Variants in RNASET2 observed in about 807,000 individuals in gnomAD.
RNASET2 encodes the protein ribonuclease T2.
A neutral mutation model predicts 33.9 loss-of-function variants in RNASET2; 28 were observed. That is an observed-to-expected ratio of 0.83 (90% confidence interval 0.61 to 1.13). The LOEUF (loss-of-function observed/expected upper bound fraction) is 1.13. Among genes scored for constraint, RNASET2 ranks in the 50% most tolerant of loss-of-function variants. RNASET2 has a pLI of 0.00. For missense variants in RNASET2, 330 were observed against 319.9 expected, an observed-to-expected ratio of 1.03 and a Z score of -0.24; for synonymous variants, 123 against 121.0, an observed-to-expected ratio of 1.02 and a Z score of -0.11.
chr6:166,927,164 T>C lies in RNASET2; in HGVS notation c.*2424A>G, dbSNP rs1778320157. Among the ~76,000 whole-genome samples the C allele has an allele frequency of 6.6e-6, 1 of 151,974 alleles. No individual in the cohort carries two copies. ...CTACTTGTTTAATGATGTAAAAACATGTGCTTGGATCTGATCTCCATCACT... is the reference window on the plus strand; with the variant it reads ...CTACTTGTTTAATGATGTAAAAACACGTGCTTGGATCTGATCTCCATCACT... On this transcript the variant is annotated 3_prime_UTR_variant, in exon 9 of 9. Coordinates refer to ENST00000508775, the MANE Select transcript of RNASET2 (RefSeq NM_003730.6).
At chr6:166,931,006 C>A (rs1440062804) in intron 8 of RNASET2, 38 bp downstream of exon 8, 15 of 1,451,924 alleles carry the variant, frequency 1.0e-5, no homozygotes, top group Admixed American at 1.7e-5. Flanking sequence ...AACCTGTCTT[C>A]TTGAGAAAAA....
In RNASET2 at chr6:166,925,029, T is replaced by C. The variant is rs959249461; in HGVS notation, c.*4559A>G. Among the ~76,000 whole-genome samples, 2 of 147,364 alleles carry C rather than the reference T, an allele frequency of 1.4e-5. No individual in the cohort carries two copies. Among genetic ancestry groups the C allele is most frequent in the Non-Finnish European group, 3.0e-5 (2 of 66,892 alleles). On this transcript the variant is annotated 3_prime_UTR_variant, in exon 9 of 9. Coordinates refer to ENST00000508775, the MANE Select transcript of RNASET2 (RefSeq NM_003730.6). The stretch of plus-strand genomic sequence containing the variant: ...TACGCCATCCAGCCCTCACCCACAG[T>C]GTCCAGACCTCACTTCTCCCACCCA...
In RNASET2 at chr6:166,955,426, C is replaced by A. The variant is rs991020769; in HGVS notation, c.86+671G>T. ...ACACACACGCGCACACACACACACA[C>A]GCGGAGGGCGAGCCAAGGGAAGGGA... is the stretch of plus-strand genomic sequence containing the variant. On this transcript the variant is annotated intron_variant, in intron 1 of 8. Transcript: ENST00000508775. 15 of 876,660 alleles carry A rather than the reference C, an allele frequency of 1.7e-5. No individual in the cohort carries two copies. In the African/African-American group the frequency reaches 3.0e-4, roughly 17 times the overall value. The allele number at this position is 876,660 out of a possible 1,614,324, so 54.3% of individuals were successfully genotyped here.
chr6:166,923,610 C>T lies in RNASET2; in HGVS notation c.*5978G>A, dbSNP rs1778265020. Among the ~76,000 whole-genome samples the T allele has an allele frequency of 6.6e-6, 1 of 151,236 alleles. No individual in the cohort carries two copies. Among genetic ancestry groups the T allele is most frequent in the African/African-American group, 2.4e-5 (1 of 41,032 alleles). ...ATAAATGGAAGGCCCATTACAGTCACTCAGAAAAAAAAAATAGAATTCTTA... is the reference window on the plus strand; with the variant it reads ...ATAAATGGAAGGCCCATTACAGTCATTCAGAAAAAAAAAATAGAATTCTTA... On this transcript the variant is annotated 3_prime_UTR_variant, in exon 9 of 9. Transcript: ENST00000508775.
rs540003579 is a variant in RNASET2 at position 166,947,846 on chromosome 6, T to C, written c.203+724A>G. Among the ~76,000 whole-genome samples, 18 of 152,324 alleles carry C rather than the reference T, an allele frequency of 1.2e-4. 1 individual carries two copies. In the East Asian group the frequency reaches 3.3e-3, roughly 28 times the overall value. ...TGTGCACAGTTCAGCGTCACAAGTA[T>C]GTCCATGTTACATAGAAAAGAATTA... On this transcript the variant is annotated intron_variant, in intron 3 of 8. Coordinates refer to ENST00000508775, the MANE Select transcript of RNASET2 (RefSeq NM_003730.6).
rs780031338 is a variant in RNASET2 at position 166,946,687 on chromosome 6, T to C, written c.256A>G (p.Ile86Val). The change falls in exon 4 of 9, where the codon ATT (isoleucine) becomes GTT (valine). Residue 86 changes from isoleucine to valine, a missense_variant. Coordinates refer to ENST00000508775, the MANE Select transcript of RNASET2 (RefSeq NM_003730.6). ...ATATAATTAAAAGTCAATACCTTAA[T>C]CTCTTCTAAATTGAAGGGCCACGAT... ...NRSWPFNLEEIKDLLPEMRAY... is the reference protein window; with the variant it reads ...NRSWPFNLEEVKDLLPEMRAY... 1.5e-5 allele frequency: 23 copies of C among 1,528,340 alleles called. No homozygotes were observed. The highest frequency in any genetic ancestry group is 2.7e-5 in the African/African-American group (2 of 72,968). 94.7% of individuals were successfully genotyped at this position (1,528,340 alleles called of 1,614,324 possible).
chr6:166,946,221 A>C lies in RNASET2; in HGVS notation c.261+461T>G, dbSNP rs530486387. On this transcript the variant is annotated intron_variant, in intron 4 of 8. Coordinates refer to ENST00000508775, the MANE Select transcript of RNASET2 (RefSeq NM_003730.6). ...GGCCCAGCATGTCCACCTGCTCAGA[A>C]ACCCATCCACCAGATAGGACGGCCC... Among the ~76,000 whole-genome samples, 65 of 152,362 alleles carry C rather than the reference A, an allele frequency of 4.3e-4. No individual in the cohort carries two copies. The South Asian group carries it at 0.013, about 31-fold the overall frequency.
At position 166,946,516 on chromosome 6, in the gene RNASET2, G is replaced by A. The variant is rs553320115; in HGVS notation, c.261+166C>T. ...GGGAAAAGGTCAATTGGTGTAATTT[G>A]TGGGGTCGAGATAACAATACTTACT... On this transcript the variant is annotated intron_variant, in intron 4 of 8. Transcript: ENST00000508775. 1.1e-4 allele frequency: 70 copies of A among 644,380 alleles called. 2 individuals are homozygous for A. In the South Asian group the frequency reaches 1.2e-3, roughly 11 times the overall value. 39.9% of individuals were successfully genotyped at this position (644,380 alleles called of 1,614,324 possible).
chr6:166,938,506 G>A (rs560719857), intron 6 of RNASET2: 72 of 526,142 alleles, frequency 1.4e-4, no homozygotes, highest in African/African-American at 1.3e-3. Flanking sequence ...GAGTTCTGCG[G>A]CAAAGACCTA....
At chr6:166,942,662 A>G (rs1400054616) in intron 5 of RNASET2, among the ~76,000 whole-genome samples, 2 of 151,964 alleles carry the variant, frequency 1.3e-5, no homozygotes, top group East Asian at 3.9e-4. Flanking sequence ...GGCTGGTCTC[A>G]AACTCCTCAG....
At chr6:166,955,266 CA>C (rs1779102424) in intron 1 of RNASET2, among the ~76,000 whole-genome samples, 1 of 95,146 alleles carries the variant, frequency 1.1e-5, no homozygotes, top group Admixed American at 1.1e-4. Flanking sequence ...CGCACACACA[CA>C]CACGCGCACA....
chr6:166,929,847 G>T, intron 8 of RNASET2, 56 bp from the exon 9 acceptor site: 1 of 1,501,174 alleles, frequency 6.7e-7, no homozygotes, highest in Non-Finnish European at 9.3e-7. Flanking sequence ...TATCATCAAG[G>T]TCTTAAGATC....
At chr6:166,952,620 C>T (rs1779013857) in intron 1 of RNASET2, 72 bp from the exon 2 acceptor site, 4 of 1,158,674 alleles carry the variant, frequency 3.5e-6, no homozygotes, top group East Asian at 2.4e-5. Flanking sequence ...TCCACCCATC[C>T]ATCCCTTCAA....
At chr6:166,956,063 C>CA (rs1779157256) in intron 1 of RNASET2, 34 bp downstream of exon 1, 1 of 1,544,336 alleles carries the variant, frequency 6.5e-7, no homozygotes, top group Non-Finnish European at 8.8e-7. Context: ...GCCCGGCTCC[C>CA]ACGCTCCCCA....
At chr6:166,951,858 C>T (rs1778993334) in intron 2 of RNASET2, among the ~76,000 whole-genome samples, 1 of 152,212 alleles carries the variant, frequency 6.6e-6, no homozygotes, top group African/African-American at 2.4e-5. Flanking sequence ...TTGCCGCCCA[C>T]AGAGGGAGGA....
At chr6:166,930,916 C>A in intron 8 of RNASET2, 128 bp downstream of exon 8, 1 of 769,760 alleles carries the variant, frequency 1.3e-6, no homozygotes, top group South Asian at 1.4e-5. Flanking sequence ...ACCACATGCC[C>A]ACATATACAG....
chr6:166,923,815 G>A lies in RNASET2; in HGVS notation c.*5773C>T, dbSNP rs1193700885. Among the ~76,000 whole-genome samples the A allele has an allele frequency of 2.6e-5, 4 of 152,112 alleles. No individual in the cohort carries two copies. Among genetic ancestry groups the A allele is most frequent in the Non-Finnish European group, 4.4e-5 (3 of 68,008 alleles). ...ACTTCATATCTGTGATTGTATCCTG[G>A]TAATTTCATTTCAGGAGCTAGAGCT... is the stretch of plus-strand genomic sequence containing the variant. On this transcript the variant is annotated 3_prime_UTR_variant, in exon 9 of 9. Transcript: ENST00000508775.
intron 6 of RNASET2, 40 bp from the exon 7 acceptor site, chr6:166,934,176 G>A: frequency 7.6e-7 from 1 of 1,309,100 alleles, no homozygotes; most frequent in Non-Finnish European, 1.1e-6. Context: ...TATAATGAAG[G>A]TCCACTTTGC....
intron 4 of RNASET2, chr6:166,943,543 G>C (rs1033331341): frequency 5.8e-5 from 17 of 292,292 alleles, no homozygotes; most frequent in African/African-American, 3.7e-4. Flanking sequence ...GGGGGTTCAA[G>C]GGGAGGAAGA....
Sources: allele counts gnomAD v4.1 joint callset (sites outside exome capture counted in the v4.1 genomes callset), GRCh38; gene constraint gnomAD v4.1.1; transcripts MANE v1.5; gene names NCBI Gene and HGNC (gene_info 2026-07-23, HGNC 2026-07-21).